RBM6: variants seen among roughly 807,000 people sequenced by gnomAD.
RBM6 encodes the protein RNA-binding protein 6.
Under a neutral mutation model 140.4 loss-of-function variants are expected in RBM6, and 23 were observed. The observed-to-expected ratio is 0.16, with a 90% CI of 0.12 to 0.23. RBM6 has a LOEUF of 0.23. RBM6 is among the 10% of genes least tolerant of loss of function. The pLI, the probability that RBM6 is intolerant of heterozygous loss-of-function variation, is 1.00. For synonymous variants in RBM6, 439 were observed against 475.6 expected (o/e 0.92, Z 1.00); for missense variants, 1,139 against 1,386.7 (o/e 0.82, Z 2.84).
chr3:49,953,041 C>T (rs1379058390), intron 1 of RBM6, among the ~76,000 whole-genome samples: 2 of 149,046 alleles, frequency 1.3e-5, no homozygotes, highest in African/African-American at 5.0e-5. Flanking sequence ...AGCCAATGTG[C>T]GCAGCTTACC....
At chr3:49,999,556 T>C (rs1417509894) in intron 6 of RBM6, 43 bp downstream of exon 6, 15 of 1,464,464 alleles carry the variant, frequency 1.0e-5, no homozygotes, top group Non-Finnish European at 1.4e-5. Context: ...AGGATATATT[T>C]TTTTATATAT....
chr3:50,075,056 T>G, intron 19 of RBM6, 145 bp from the exon 20 acceptor site: 1 of 916,824 alleles, frequency 1.1e-6, no homozygotes, highest in Non-Finnish European at 1.6e-6. Context: ...ATCGGGAGGC[T>G]GAGGCAGGAG....
chr3:50,070,897 C>T (rs2090279972), intron 19 of RBM6, among the ~76,000 whole-genome samples: 2 of 152,238 alleles, frequency 1.3e-5, no homozygotes, highest in Admixed American at 1.3e-4. Flanking sequence ...CATTCTCACA[C>T]ATAGGTGCTA....
At chr3:49,976,698 A>G (rs1208587280) in intron 5 of RBM6, among the ~76,000 whole-genome samples, 1 of 152,206 alleles carries the variant, frequency 6.6e-6, no homozygotes, top group Non-Finnish European at 1.5e-5. Context: ...TAATATTTAA[A>G]TAGCAGTTCA....
chr3:50,058,054 A>T, intron 9 of RBM6, 51 bp downstream of exon 9: 1 of 1,577,518 alleles, frequency 6.3e-7, no homozygotes. Context: ...ACAATGGAGC[A>T]TAGATGGCCA....
chr3:50,032,458 T>C (rs2108826448), intron 6 of RBM6, among the ~76,000 whole-genome samples: 1 of 130,294 alleles, frequency 7.7e-6, no homozygotes, highest in Admixed American at 8.6e-5. Context: ...CGCTCCAGCC[T>C]GGCAACAGGG....
chr3:50,053,012 T>A (rs1575819300), intron 7 of RBM6, among the ~76,000 whole-genome samples: 1 of 151,250 alleles, frequency 6.6e-6, no homozygotes, highest in East Asian at 2.0e-4. Flanking sequence ...TGTGTGTGTG[T>A]GTGTGTGTGT....
rs144054144 is a variant in RBM6 at position 49,991,272 on chromosome 3, A to T, written c.1484-8168A>T. Among the ~76,000 whole-genome samples, 613 of 152,298 alleles carry T rather than the reference A, an allele frequency of 4.0e-3. 3 individuals carry two copies. Among genetic ancestry groups the T allele is most frequent in the Non-Finnish European group, 7.5e-3 (512 of 68,022 alleles). ...AATATGCCACCGTCCCAGCATGTAG[A>T]TGTATTCACCAATCAGGAAGCTCTC... On this transcript the variant is annotated intron_variant, in intron 5 of 20. Coordinates refer to ENST00000266022, the MANE Select transcript of RBM6 (RefSeq NM_005777.3).
At chr3:49,974,633 A>G (rs893976362) in intron 4 of RBM6, among the ~76,000 whole-genome samples, 10 of 148,448 alleles carry the variant, frequency 6.7e-5, no homozygotes, top group African/African-American at 2.0e-4. Context: ...CGGCCTCCCA[A>G]AGTGCTGGGA....
chr3:50,047,782 G>C (rs1295446618), intron 6 of RBM6, among the ~76,000 whole-genome samples: 1 of 152,148 alleles, frequency 6.6e-6, no homozygotes, highest in Admixed American at 6.5e-5. Context: ...AAAATTTTCA[G>C]GCACTAAAGT....
chr3:49,943,636 T>C (rs973050015), intron 1 of RBM6, among the ~76,000 whole-genome samples: 2 of 152,028 alleles, frequency 1.3e-5, no homozygotes, highest in East Asian at 3.8e-4. Flanking sequence ...AATTTTTTTG[T>C]GGAGACAGGG....
In RBM6 at chr3:50,068,678, C is replaced by T. The variant is rs763567395; in HGVS notation, c.2944-12C>T. On this transcript the variant is annotated splice_polypyrimidine_tract_variant and intron_variant, in intron 17 of 20. Coordinates refer to ENST00000266022, the MANE Select transcript of RBM6 (RefSeq NM_005777.3). ...CTTAGACCTATACTCATAGAATTGCCTCTCTTCTCAGCAAAACCTGGAAAT... is the reference window on the plus strand; with the variant it reads ...CTTAGACCTATACTCATAGAATTGCTTCTCTTCTCAGCAAAACCTGGAAAT... The T allele has an allele frequency of 5.6e-6, 9 of 1,613,396 alleles. No homozygotes were observed.
In RBM6 at chr3:50,076,661, G is replaced by A. The variant is rs182536992; in HGVS notation, c.3247-347G>A. ...AACACTTTGGGAGGCCAAGGTGGGCGGATCACTTGAGGCCAGGAGTTCGAG... is the reference window on the plus strand; with the variant it reads ...AACACTTTGGGAGGCCAAGGTGGGCAGATCACTTGAGGCCAGGAGTTCGAG... On this transcript the variant is annotated intron_variant, in intron 20 of 20. Transcript: ENST00000266022. 2.9e-3 allele frequency among the ~76,000 whole-genome samples: 438 copies of A among 151,912 alleles called. 1 individual carries two copies. Among genetic ancestry groups the A allele is most frequent in the African/African-American group, 9.4e-3 (390 of 41,440 alleles).
chr3:49,957,454 C>T (rs1192967326), intron 1 of RBM6, among the ~76,000 whole-genome samples: 1 of 151,926 alleles, frequency 6.6e-6, no homozygotes, highest in Non-Finnish European at 1.5e-5. Flanking sequence ...TGCCTAGCCC[C>T]TTCTCATTTT....
intron 1 of RBM6, among the ~76,000 whole-genome samples, chr3:49,947,262 A>AG (rs71080561): frequency 2.4e-3 from 146 of 60,000 alleles, no homozygotes; most frequent in East Asian, 0.01. Context: ...AAAAAAAAAA[A>AG]GGGGGGGGGG....
intron 6 of RBM6, among the ~76,000 whole-genome samples, chr3:50,033,035 G>A (rs1459612467): frequency 2.0e-5 from 3 of 151,714 alleles, no homozygotes; most frequent in Non-Finnish European, 1.5e-5. Context: ...CCAAGCTCAT[G>A]CCTGTAATCA....
intron 1 of RBM6, among the ~76,000 whole-genome samples, chr3:49,955,045 C>T (rs11130225): frequency 0.07 from 10,639 of 152,062 alleles, 394 homozygotes; most frequent in Non-Finnish European, 0.077. Context: ...AGGCGTGAGC[C>T]ACCGCACCCG....
chr3:49,982,262 CTTTTTTTTTTTTTTT>C (rs751604271), intron 5 of RBM6, among the ~76,000 whole-genome samples: 21 of 68,400 alleles, frequency 3.1e-4, no homozygotes, highest in Admixed American at 2.1e-3. Flanking sequence ...CTTTTCTTTT[CTTTTTTTTTTTTTTT>C]TTTTTTTTTT....
At chr3:50,014,539 T>G (rs1486451397) in intron 6 of RBM6, among the ~76,000 whole-genome samples, 4 of 152,250 alleles carry the variant, frequency 2.6e-5, no homozygotes, top group Non-Finnish European at 5.9e-5. Context: ...AGTGCAGATT[T>G]TCACATCCTT....
Sources: allele counts gnomAD v4.1 joint callset (sites outside exome capture counted in the v4.1 genomes callset), GRCh38; gene constraint gnomAD v4.1.1; transcripts MANE v1.5; gene names NCBI Gene and HGNC (gene_info 2026-07-23, HGNC 2026-07-21).